GNAQ: variants seen among roughly 807,000 people sequenced by gnomAD.
The protein encoded by GNAQ is guanine nucleotide-binding protein G(q) subunit alpha.
In GNAQ, 8 loss-of-function variants were observed where a neutral mutation model predicts 43.9. The observed-to-expected ratio is 0.18, with a 90% CI of 0.11 to 0.33. GNAQ has a LOEUF of 0.33. GNAQ is among the 10% of genes least tolerant of loss of function. The pLI, the probability that GNAQ is intolerant of heterozygous loss-of-function variation, is 1.00. For missense variants in GNAQ, 158 were observed against 450.8 expected (o/e 0.35, Z 5.88); for synonymous variants, 155 against 170.7 (o/e 0.91, Z 0.71).
chr9:77,891,971 T>C lies in GNAQ; in HGVS notation c.321+30190A>G, dbSNP rs1188820328. Reference sequence around the variant, plus strand: ...GAGAAATAAGCCTTTAAATACTAATTTCACCAAACCCTGCCTTTTTTCAAA... The same window carrying C: ...GAGAAATAAGCCTTTAAATACTAATCTCACCAAACCCTGCCTTTTTTCAAA... On this transcript the variant is annotated intron_variant, in intron 2 of 6. Coordinates refer to ENST00000286548, the MANE Select transcript of GNAQ (RefSeq NM_002072.5). Among the ~76,000 whole-genome samples the C allele has an allele frequency of 2.0e-5, 3 of 152,196 alleles. No homozygotes were observed. In the East Asian group the frequency reaches 5.8e-4, roughly 29 times the overall value.
At chr9:78,007,310 C>G (rs1053734562) in intron 1 of GNAQ, among the ~76,000 whole-genome samples, 27 of 147,650 alleles carry the variant, frequency 1.8e-4, no homozygotes, top group Admixed American at 8.1e-4. Flanking sequence ...GCAAAGGACA[C>G]TTAAAAACCT....
chr9:77,840,047 G>A (rs1457806620), intron 2 of GNAQ, among the ~76,000 whole-genome samples: 1 of 152,074 alleles, frequency 6.6e-6, no homozygotes. Flanking sequence ...CATTTTTCCT[G>A]TCTGGGAACC....
intron 5 of GNAQ, among the ~76,000 whole-genome samples, chr9:77,744,585 C>T (rs1825702916): frequency 1.3e-5 from 2 of 152,118 alleles, no homozygotes; most frequent in South Asian, 4.1e-4. Flanking sequence ...TTTCCAAAAT[C>T]ATTGGGCTAG....
At chr9:77,967,026 C>T (rs1324280637) in intron 1 of GNAQ, among the ~76,000 whole-genome samples, 2 of 152,240 alleles carry the variant, frequency 1.3e-5, no homozygotes, top group African/African-American at 4.8e-5. Context: ...CATTTCATCA[C>T]TCTCCCCATG....
chr9:77,981,049 AAAGT>A (rs1823362077), intron 1 of GNAQ, among the ~76,000 whole-genome samples: 1 of 152,240 alleles, frequency 6.6e-6, no homozygotes, highest in Non-Finnish European at 1.5e-5. Flanking sequence ...CTTCTATTAG[AAAGT>A]GAGTGGTGAG....
At chr9:77,968,742 C>G (rs1317977422) in intron 1 of GNAQ, among the ~76,000 whole-genome samples, 1 of 152,228 alleles carries the variant, frequency 6.6e-6, no homozygotes, top group Non-Finnish European at 1.5e-5. Flanking sequence ...AAAGGCAAGA[C>G]AGTGCCGTTT....
chr9:77,818,861 G>T (rs775007578), intron 2 of GNAQ, among the ~76,000 whole-genome samples: 1 of 151,682 alleles, frequency 6.6e-6, no homozygotes, highest in African/African-American at 2.4e-5. Context: ...TTAGCTGAGC[G>T]TGGTGGTATG....
At chr9:77,947,447 C>CA (rs1301084980) in intron 1 of GNAQ, among the ~76,000 whole-genome samples, 2 of 152,166 alleles carry the variant, frequency 1.3e-5, no homozygotes, top group Non-Finnish European at 2.9e-5. Context: ...CTAAACTTCA[C>CA]AAAAGCCATG....
rs754786107 is a variant in GNAQ, at chr9:77,718,726, A to ATTTTTTTTTTTTTTTTTTTTTTTTTTT, written c.*2596_*2597insAAAAAAAAAAAAAAAAAAAAAAAAAAA. The stretch of plus-strand genomic sequence containing the variant: ...GTAGGCCTTCAAATGTTGTTGTTTA[A>ATTTTTTTTTTTTTTTTTTTTTTTTTTT]TTTTTTTTTTTTTTTTTTTTTTTTT... On this transcript the variant is annotated 3_prime_UTR_variant, in exon 7 of 7. Transcript: ENST00000286548. 1 of 102,150 alleles carries ATTTTTTTTTTTTTTTTTTTTTTTTTTT rather than the reference A, an allele frequency of 9.8e-6. No individual in the cohort carries two copies. The highest frequency in any genetic ancestry group is 1.7e-5 in the Non-Finnish European group (1 of 57,690). The allele number at this position is 102,150 out of a possible 1,614,324, so 6.3% of individuals were successfully genotyped here.
At chr9:78,015,264 A>T (rs1823824881) in intron 1 of GNAQ, among the ~76,000 whole-genome samples, 1 of 152,232 alleles carries the variant, frequency 6.6e-6, no homozygotes, top group African/African-American at 2.4e-5. Context: ...AGGCTTTACC[A>T]CATAGCCTAT....
chr9:77,787,578 T>C (rs1158965537), intron 5 of GNAQ, among the ~76,000 whole-genome samples: 3 of 152,214 alleles, frequency 2.0e-5, no homozygotes. Context: ...AAATCAATTA[T>C]ATGTATGCAG....
intron 1 of GNAQ, among the ~76,000 whole-genome samples, chr9:78,014,495 A>G (rs915012500): frequency 6.6e-6 from 1 of 152,068 alleles, no homozygotes; most frequent in Non-Finnish European, 1.5e-5. Context: ...AATCCCAGCT[A>G]CTTAGGAGGC....
intron 2 of GNAQ, among the ~76,000 whole-genome samples, chr9:77,894,367 T>TA (rs1564143583): frequency 8.0e-3 from 11 of 1,382 alleles, no homozygotes; most frequent in Admixed American, 0.014. Flanking sequence ...AATATATATA[T>TA]TATATATATA....
intron 5 of GNAQ, among the ~76,000 whole-genome samples, chr9:77,788,303 C>T (rs1009447497): frequency 2.0e-5 from 3 of 151,774 alleles, no homozygotes; most frequent in Admixed American, 1.3e-4. Context: ...GGAACAGTCA[C>T]GTAATAGAGT....
intron 1 of GNAQ, among the ~76,000 whole-genome samples, chr9:77,932,966 A>G (rs1418540780): frequency 6.6e-6 from 1 of 152,122 alleles, no homozygotes; most frequent in Non-Finnish European, 1.5e-5. Flanking sequence ...TGACATAGGG[A>G]GAACTCGTTG....
At chr9:77,979,597 T>G (rs999042007) in intron 1 of GNAQ, among the ~76,000 whole-genome samples, 1 of 152,152 alleles carries the variant, frequency 6.6e-6, no homozygotes, top group Non-Finnish European at 1.5e-5. Context: ...AAAGAACCTC[T>G]GAGGTCCCAA....
intron 2 of GNAQ, among the ~76,000 whole-genome samples, chr9:77,838,310 A>G (rs1564126376): frequency 6.7e-6 from 1 of 149,242 alleles, no homozygotes; most frequent in Non-Finnish European, 1.5e-5. Flanking sequence ...CGCCCAGCTA[A>G]TTTTGCATTT....
intron 5 of GNAQ, among the ~76,000 whole-genome samples, chr9:77,759,140 A>G (rs73451792): frequency 1.3e-5 from 2 of 152,348 alleles, no homozygotes; most frequent in Admixed American, 6.5e-5. Flanking sequence ...CTGATTTCAC[A>G]GATTACCATA....
chr9:77,862,935 T>C (rs1471191545), intron 2 of GNAQ, among the ~76,000 whole-genome samples: 1 of 152,144 alleles, frequency 6.6e-6, no homozygotes, highest in Non-Finnish European at 1.5e-5. Context: ...TCCCAGCACT[T>C]TGGGAGGCTG....
Sources: gnomAD v4.1 joint callset for allele counts (sites outside exome capture counted in the v4.1 genomes callset) on GRCh38, gnomAD v4.1.1 for gene constraint, MANE v1.5 for transcripts, NCBI Gene and HGNC (gene_info 2026-07-23, HGNC 2026-07-21) for gene names.